Variants in NTN1 observed in about 807,000 individuals in gnomAD.
NTN1 encodes the protein netrin-1.
NTN1 carries 11 observed loss-of-function variants against 54.2 expected under a neutral mutation model. The observed-to-expected ratio is 0.20, with a 90% CI of 0.13 to 0.34. The LOEUF is 0.34. NTN1 is among the 10% of genes least tolerant of loss of function. The pLI is 1.00. For synonymous variants in NTN1, 371 were observed against 382.0 expected (o/e 0.97, Z 0.33); for missense variants, 740 against 893.1 (o/e 0.83, Z 2.18).
chr17:9,176,259 G>A (rs1283993072), intron 3 of NTN1: 2 of 152,492 alleles, frequency 1.3e-5, no homozygotes, highest in African/African-American at 4.8e-5. Flanking sequence ...TTGTAGATAA[G>A]AATCCGTGTG....
chr17:9,131,140 A>G (rs955385538), intron 2 of NTN1, among the ~76,000 whole-genome samples: 2 of 152,120 alleles, frequency 1.3e-5, no homozygotes, highest in Non-Finnish European at 1.5e-5. Context: ...CTGTGTCTAC[A>G]TGGCTCACAT....
chr17:9,114,158 A>G (rs1326347967), intron 2 of NTN1, among the ~76,000 whole-genome samples: 3 of 95,076 alleles, frequency 3.2e-5, no homozygotes, highest in African/African-American at 8.6e-5. Flanking sequence ...AAAAAGAAAA[A>G]AAAAAAAAAT....
chr17:9,168,965 G>C (rs1384464206), intron 3 of NTN1, among the ~76,000 whole-genome samples: 1 of 152,180 alleles, frequency 6.6e-6, no homozygotes, highest in African/African-American at 2.4e-5. Context: ...GGCCAGGTAA[G>C]GTTAGTACCT....
At chr17:9,136,160 G>A (rs117102168) in intron 2 of NTN1, among the ~76,000 whole-genome samples, 1,552 of 152,318 alleles carry the variant, frequency 0.01, 15 homozygotes, top group Non-Finnish European at 0.016. Flanking sequence ...CAGCAGCTAG[G>A]GGCAGCAGAG....
At chr17:9,225,831 G>T (rs1168343284) in intron 6 of NTN1, among the ~76,000 whole-genome samples, 1 of 152,212 alleles carries the variant, frequency 6.6e-6, no homozygotes, top group Non-Finnish European at 1.5e-5. Flanking sequence ...CAGGGCACTT[G>T]GATGTTCCAG....
Position 9,022,569 on chromosome 17 carries a change from G to A in NTN1, c.196G>A (p.Val66Met). The A allele has an allele frequency of 1.3e-6, 2 of 1,547,606 alleles. No homozygotes were observed. Among genetic ancestry groups the A allele is most frequent in the South Asian group, 1.2e-5 (1 of 84,120 alleles). Residue 66 changes from valine (V) to methionine (M), a missense_variant, in exon 2 of 7, where the codon GTG (valine) becomes ATG (methionine). Physicochemically the swap from Val to Met is conservative, Grantham distance 21. Transcript: ENST00000173229. ...TGCGGCCTTCGGCAAGGACGTGCGCGTGTCCAGCACCTGCGGCCGGCCCCC... is the reference window on the plus strand; with the variant it reads ...TGCGGCCTTCGGCAAGGACGTGCGCATGTCCAGCACCTGCGGCCGGCCCCC... ...VNAAFGKDVR[V>M]SSTCGRPPAR...
intron 5 of NTN1, among the ~76,000 whole-genome samples, chr17:9,189,181 G>A (rs1904383371): frequency 6.6e-6 from 1 of 152,060 alleles, no homozygotes; most frequent in African/African-American, 2.4e-5. Flanking sequence ...TTCCACCCAT[G>A]GAGCTAGGTA....
chr17:9,193,092 A>AAT (rs1274316778), intron 5 of NTN1, among the ~76,000 whole-genome samples: 1 of 138,648 alleles, frequency 7.2e-6, no homozygotes, highest in East Asian at 2.1e-4. Flanking sequence ...AAAAAAAAAA[A>AAT]AAAGAAAAAG....
chr17:9,184,324 G>T (rs868596050), intron 5 of NTN1, among the ~76,000 whole-genome samples: 1 of 152,210 alleles, frequency 6.6e-6, no homozygotes, highest in Non-Finnish European at 1.5e-5. Flanking sequence ...GGGAAATGGC[G>T]AAGAGAAGGG....
chr17:9,161,855 C>A (rs1000944923), intron 2 of NTN1, among the ~76,000 whole-genome samples: 6 of 152,140 alleles, frequency 3.9e-5, no homozygotes, highest in Non-Finnish European at 8.8e-5. Flanking sequence ...TCAGCTCAAG[C>A]CACAGGGAAC....
At chr17:9,160,818 A>G (rs549825122) in intron 2 of NTN1, among the ~76,000 whole-genome samples, 1 of 152,034 alleles carries the variant, frequency 6.6e-6, no homozygotes, top group African/African-American at 2.4e-5. Context: ...TTCGCTGGGC[A>G]TGGTGGCACA....
the NTN1 span, among the ~76,000 whole-genome samples, chr17:9,008,404 G>C: frequency 1.3e-5 from 2 of 151,958 alleles, no homozygotes; most frequent in African/African-American, 4.8e-5. Context: ...CTGCAACCTC[G>C]GCCTCCTGGG....
rs111764593 is a variant in NTN1 at position 9,130,967 on chromosome 17, G to A, written c.1019-31846G>A. 8.7e-3 allele frequency among the ~76,000 whole-genome samples: 1,331 copies of A among 152,270 alleles called. 26 individuals are homozygous for A. The highest frequency in any genetic ancestry group is 0.03 in the African/African-American group (1,259 of 41,554). On this transcript the variant is annotated intron_variant, in intron 2 of 6. Transcript: ENST00000173229. ...AGGGAGTTTGCTCTGTTCCCCCTCTGCCTAAGTCTGGGTTGTGTACACCCC... is the reference window on the plus strand; with the variant it reads ...AGGGAGTTTGCTCTGTTCCCCCTCTACCTAAGTCTGGGTTGTGTACACCCC...
At position 9,023,239 on chromosome 17, in the gene NTN1, G is replaced by T; in HGVS notation, c.866G>T (p.Gly289Val). ...LQVGGRCKCNGHAARCVRDRD... is the reference protein window; with the variant it reads ...LQVGGRCKCNVHAARCVRDRD... ...GTGGGCGGCCGGTGCAAGTGCAACG[G>T]CCACGCGGCCCGCTGCGTGCGCGAC... is the stretch of plus-strand genomic sequence containing the variant. Residue 289 changes from glycine to valine, a missense_variant, in exon 2 of 7, where the codon GGC (glycine) becomes GTC (valine). Gly to Val is a moderately radical substitution (Grantham distance 109). Coordinates refer to ENST00000173229, the MANE Select transcript of NTN1 (RefSeq NM_004822.3). 6.4e-7 allele frequency: 1 copy of T among 1,567,332 alleles called. No homozygotes were observed. Among genetic ancestry groups the T allele is most frequent in the Non-Finnish European group, 8.6e-7 (1 of 1,156,574 alleles).
intron 2 of NTN1, among the ~76,000 whole-genome samples, chr17:9,145,644 C>T (rs1392892400): frequency 2.0e-5 from 3 of 152,278 alleles, no homozygotes; most frequent in African/African-American, 4.8e-5. Flanking sequence ...TGGCCAGGCA[C>T]GGTGGCTCAC....
intron 2 of NTN1, among the ~76,000 whole-genome samples, chr17:9,077,007 T>C (rs2092052512): frequency 6.6e-6 from 1 of 152,120 alleles, no homozygotes; most frequent in South Asian, 2.1e-4. Flanking sequence ...TTCCTGGAAA[T>C]GTTTCCCACC....
intron 3 of NTN1, among the ~76,000 whole-genome samples, chr17:9,168,527 C>T (rs548799803): frequency 4.8e-4 from 65 of 134,654 alleles, no homozygotes; most frequent in African/African-American, 1.7e-3. Flanking sequence ...AGTGAAACGC[C>T]GTCTCAAAAA....
At chr17:9,082,811 G>A (rs2092076430) in intron 2 of NTN1, among the ~76,000 whole-genome samples, 1 of 151,850 alleles carries the variant, frequency 6.6e-6, no homozygotes, top group South Asian at 2.1e-4. Context: ...AACATCGGGA[G>A]GATAAATCTG....
intron 2 of NTN1, among the ~76,000 whole-genome samples, chr17:9,085,646 G>A (rs1160536307): frequency 1.3e-5 from 2 of 152,208 alleles, no homozygotes; most frequent in South Asian, 4.1e-4. Flanking sequence ...CTTCGTCTGT[G>A]AAGTGGAAAT....
Sources: allele counts gnomAD v4.1 joint callset (sites outside exome capture counted in the v4.1 genomes callset), GRCh38; gene constraint gnomAD v4.1.1; transcripts MANE v1.5; gene names NCBI Gene and HGNC (gene_info 2026-07-23, HGNC 2026-07-21).